Variants in KLF12 observed in about 807,000 individuals in gnomAD.
The protein encoded by KLF12 is KLF transcription factor 12, also known as Krueppel-like factor 12.
Under a neutral mutation model 37.8 loss-of-function variants are expected in KLF12, and 9 were observed. The observed-to-expected ratio is 0.24, with a 90% CI of 0.14 to 0.42. The LOEUF (loss-of-function observed/expected upper bound fraction) is 0.42. KLF12 is among the 10% of genes least tolerant of loss of function. The probability of loss-of-function intolerance (pLI) is 1.00; values close to 1 mark genes in which losing one functional copy is unlikely to be tolerated. For missense variants in KLF12, 411 were observed against 516.0 expected (o/e 0.80, Z 1.97); for synonymous variants, 208 against 202.1 (o/e 1.03, Z -0.25).
intron 6 of KLF12, among the ~76,000 whole-genome samples, chr13:73,721,713 AGTT>A (rs777070778): frequency 2.6e-5 from 3 of 116,338 alleles, no homozygotes; most frequent in Non-Finnish European, 3.9e-5. Flanking sequence ...CACCATGCCT[AGTT>A]AATTTTTTTT....
At chr13:73,865,291 A>G (rs2138831900) in intron 3 of KLF12, among the ~76,000 whole-genome samples, 1 of 152,328 alleles carries the variant, frequency 6.6e-6, no homozygotes, top group Admixed American at 6.5e-5. Context: ...CAAAGTGATG[A>G]CATGCAAAAT....
chr13:73,904,134 G>A (rs1454789106), intron 3 of KLF12, among the ~76,000 whole-genome samples: 1 of 152,140 alleles, frequency 6.6e-6, no homozygotes, highest in East Asian at 1.9e-4. Flanking sequence ...GGCTAGCAAT[G>A]GAGATATAAC....
At chr13:74,226,337 G>C in the KLF12 span, among the ~76,000 whole-genome samples, 3 of 152,106 alleles carry the variant, frequency 2.0e-5, no homozygotes, top group Admixed American at 2.0e-4. Flanking sequence ...GGATGAAAAA[G>C]AAATAGAAGG....
At chr13:74,225,301 C>T in the KLF12 span, among the ~76,000 whole-genome samples, 5 of 152,146 alleles carry the variant, frequency 3.3e-5, no homozygotes, top group Non-Finnish European at 7.4e-5. Flanking sequence ...ATGCCAATTT[C>T]CCTAATTTCT....
At chr13:73,889,934 C>T (rs1016835437) in intron 3 of KLF12, among the ~76,000 whole-genome samples, 1 of 152,038 alleles carries the variant, frequency 6.6e-6, no homozygotes, top group African/African-American at 2.4e-5. Flanking sequence ...AACCTTAAAG[C>T]TGAATTTTGA....
chr13:73,761,771 A>C (rs546899742), intron 6 of KLF12, among the ~76,000 whole-genome samples: 1 of 152,280 alleles, frequency 6.6e-6, no homozygotes, highest in African/African-American at 2.4e-5. Flanking sequence ...CAATAAACCT[A>C]AGATGGGTAG....
intron 3 of KLF12, among the ~76,000 whole-genome samples, chr13:73,906,031 G>A (rs1237517233): frequency 6.6e-6 from 1 of 151,972 alleles, no homozygotes; most frequent in Non-Finnish European, 1.5e-5. Flanking sequence ...TATGTGTATT[G>A]ATTGCCTTTT....
chr13:74,003,815 T>C (rs74239760), intron 1 of KLF12, among the ~76,000 whole-genome samples: 2 of 152,202 alleles, frequency 1.3e-5, no homozygotes, highest in Non-Finnish European at 2.9e-5. Flanking sequence ...GAATAAGTTA[T>C]GTAAGTTTCA....
intron 3 of KLF12, among the ~76,000 whole-genome samples, chr13:73,924,004 T>C (rs1889248096): frequency 6.6e-6 from 1 of 152,228 alleles, no homozygotes; most frequent in South Asian, 2.1e-4. Flanking sequence ...ACTTTTCTCT[T>C]GGGAAAAATG....
chr13:74,172,090 G>A, the KLF12 span, among the ~76,000 whole-genome samples: 1 of 150,480 alleles, frequency 6.6e-6, no homozygotes, highest in African/African-American at 2.4e-5. Context: ...CAGCTACAAG[G>A]AGAACTGGTT....
intron 4 of KLF12, among the ~76,000 whole-genome samples, chr13:73,826,499 T>C (rs1883850598): frequency 6.6e-6 from 1 of 152,234 alleles, no homozygotes; most frequent in South Asian, 2.1e-4. Context: ...AATTCCAGGC[T>C]TACATAAAAT....
At chr13:73,817,084 A>T (rs1321580840) in intron 4 of KLF12, among the ~76,000 whole-genome samples, 3 of 152,154 alleles carry the variant, frequency 2.0e-5, no homozygotes, top group Non-Finnish European at 2.9e-5. Flanking sequence ...TAGGAGGCTG[A>T]GGCAGGAGGA....
the KLF12 span, among the ~76,000 whole-genome samples, chr13:74,181,970 T>C: frequency 6.6e-5 from 10 of 152,214 alleles, no homozygotes; most frequent in Non-Finnish European, 1.3e-4. Flanking sequence ...AACACACATA[T>C]ATAGTACGCT....
At chr13:74,241,657 C>T in the KLF12 span, among the ~76,000 whole-genome samples, 1 of 152,222 alleles carries the variant, frequency 6.6e-6, no homozygotes, top group Non-Finnish European at 1.5e-5. Flanking sequence ...TCGTGGTGCG[C>T]CGTTTTTTAA....
chr13:73,888,244 T>A (rs1237508905), intron 3 of KLF12, among the ~76,000 whole-genome samples: 1 of 152,184 alleles, frequency 6.6e-6, no homozygotes, highest in Non-Finnish European at 1.5e-5. Context: ...GCTCAAGTGA[T>A]CTGCCTGCCC....
intron 3 of KLF12, among the ~76,000 whole-genome samples, chr13:73,883,492 G>A (rs1887076434): frequency 6.6e-6 from 1 of 152,148 alleles, no homozygotes; most frequent in Admixed American, 6.6e-5. Flanking sequence ...ATGTGACAGG[G>A]AAGAACCCCC....
At chr13:74,245,979 T>A in the KLF12 span, among the ~76,000 whole-genome samples, 2 of 152,218 alleles carry the variant, frequency 1.3e-5, no homozygotes, top group Non-Finnish European at 2.9e-5. Flanking sequence ...GTAGAAGGGT[T>A]ATTGTTGGTA....
the KLF12 span, among the ~76,000 whole-genome samples, chr13:74,178,581 A>G: frequency 6.6e-6 from 1 of 152,198 alleles, no homozygotes; most frequent in Non-Finnish European, 1.5e-5. Flanking sequence ...GCTTTCAAAA[A>G]CAGAGGGTTT....
chr13:74,259,698 T>A, the KLF12 span: 1 of 152,230 alleles, frequency 6.6e-6, no homozygotes, highest in African/African-American at 2.4e-5. Flanking sequence ...ATCTACTCAA[T>A]GTTATTAATC....
Sources: allele counts gnomAD v4.1 joint callset (sites outside exome capture counted in the v4.1 genomes callset), GRCh38; gene constraint gnomAD v4.1.1; transcripts MANE v1.5; gene names NCBI Gene and HGNC (gene_info 2026-07-23, HGNC 2026-07-21).